Variants in PHACTR1 observed in about 807,000 individuals in gnomAD.
The protein encoded by PHACTR1 is RPEL repeat containing 1.
In PHACTR1, 16 loss-of-function variants were observed where a neutral mutation model predicts 69.2. The observed-to-expected ratio is 0.23, with a 90% CI of 0.16 to 0.35. PHACTR1 has a LOEUF of 0.35. PHACTR1 is among the 10% of genes least tolerant of loss of function. PHACTR1 has a pLI of 1.00. For synonymous variants in PHACTR1, 312 were observed against 284.5 expected, an observed-to-expected ratio of 1.10 and a Z score of -0.97; for missense variants, 510 against 734.7, an observed-to-expected ratio of 0.69 and a Z score of 3.54.
chr6:13,219,395 C>T (rs780684252), intron 8 of PHACTR1, among the ~76,000 whole-genome samples: 2 of 152,078 alleles, frequency 1.3e-5, no homozygotes, highest in South Asian at 2.1e-4. Flanking sequence ...CGGGCAGGGA[C>T]GGGGCACTGA....
intron 4 of PHACTR1, among the ~76,000 whole-genome samples, chr6:12,919,265 C>T (rs1787371108): frequency 6.6e-6 from 1 of 152,164 alleles, no homozygotes; most frequent in Non-Finnish European, 1.5e-5. Flanking sequence ...GCCTCAGCCT[C>T]CCGAGTAGCT....
chr6:12,882,479 A>G (rs1017608154), intron 4 of PHACTR1, among the ~76,000 whole-genome samples: 5 of 152,188 alleles, frequency 3.3e-5, no homozygotes, highest in African/African-American at 1.2e-4. Flanking sequence ...AAAAATACAA[A>G]AAAAAGAAGA....
intron 5 of PHACTR1, among the ~76,000 whole-genome samples, chr6:13,100,383 A>T (rs1367628410): frequency 6.6e-6 from 1 of 152,184 alleles, no homozygotes; most frequent in Admixed American, 6.5e-5. Context: ...GTTAAACTTG[A>T]TAACTTGTCT....
intron 6 of PHACTR1, among the ~76,000 whole-genome samples, chr6:13,164,927 C>A (rs977079585): frequency 6.8e-6 from 1 of 146,254 alleles, no homozygotes; most frequent in Non-Finnish European, 1.5e-5. Flanking sequence ...GTGTGTTAGA[C>A]AAGAAGAGCA....
chr6:12,788,752 C>T (rs546587185), intron 4 of PHACTR1, among the ~76,000 whole-genome samples: 28 of 152,316 alleles, frequency 1.8e-4, no homozygotes, highest in African/African-American at 6.0e-4. Flanking sequence ...AAATCATTGC[C>T]TCTGCCTTCT....
chr6:13,115,953 C>T (rs1817754993), intron 5 of PHACTR1, among the ~76,000 whole-genome samples: 1 of 152,158 alleles, frequency 6.6e-6, no homozygotes, highest in South Asian at 2.1e-4. Flanking sequence ...CTTCAGATGA[C>T]TAGAGAAAGA....
chr6:12,824,332 T>C (rs1036489170), intron 4 of PHACTR1, among the ~76,000 whole-genome samples: 18 of 152,358 alleles, frequency 1.2e-4, no homozygotes, highest in African/African-American at 4.3e-4. Flanking sequence ...ATTATTTCAT[T>C]ATATATTACA....
intron 4 of PHACTR1, among the ~76,000 whole-genome samples, chr6:12,891,714 C>A (rs1784185516): frequency 6.6e-6 from 1 of 152,152 alleles, no homozygotes; most frequent in Non-Finnish European, 1.5e-5. Context: ...AACATGTAAC[C>A]TATCCTTGTT....
At chr6:12,990,903 T>A (rs1796750608) in intron 4 of PHACTR1, among the ~76,000 whole-genome samples, 1 of 152,102 alleles carries the variant, frequency 6.6e-6, no homozygotes, top group Non-Finnish European at 1.5e-5. Context: ...TTAAGCCACA[T>A]CTATCTATAG....
chr6:13,229,507 C>T (rs1584092111), intron 9 of PHACTR1, among the ~76,000 whole-genome samples: 1 of 152,192 alleles, frequency 6.6e-6, no homozygotes, highest in East Asian at 1.9e-4. Flanking sequence ...ACCAGCCCCA[C>T]TTTGTCCGCC....
chr6:13,109,360 C>A (rs543501749), intron 5 of PHACTR1, among the ~76,000 whole-genome samples: 27 of 151,954 alleles, frequency 1.8e-4, no homozygotes, highest in Admixed American at 7.9e-4. Context: ...TTTTGTTTAT[C>A]TGAAAAGTTC....
At chr6:12,769,777 T>C (rs1259825746) in intron 4 of PHACTR1, among the ~76,000 whole-genome samples, 1 of 152,154 alleles carries the variant, frequency 6.6e-6, no homozygotes, top group Non-Finnish European at 1.5e-5. Context: ...AGCTGTGAGA[T>C]CCCTCTGTGA....
chr6:13,236,992 AC>A (rs1399736187), intron 10 of PHACTR1, among the ~76,000 whole-genome samples: 1 of 152,066 alleles, frequency 6.6e-6, no homozygotes, highest in East Asian at 1.9e-4. Flanking sequence ...TTCAGCTTCA[AC>A]CCCCTGTTGT....
intron 10 of PHACTR1, chr6:13,272,196 A>G (rs1337440943): frequency 6.6e-6 from 1 of 152,266 alleles, no homozygotes; most frequent in Non-Finnish European, 1.5e-5. Context: ...CGTGCCATCC[A>G]CTGCCTGTCC....
intron 4 of PHACTR1, among the ~76,000 whole-genome samples, chr6:12,889,986 C>A (rs1159652064): frequency 6.6e-6 from 1 of 152,010 alleles, no homozygotes; most frequent in Admixed American, 6.6e-5. Flanking sequence ...ACACAGGGGT[C>A]CCCAACCCCC....
At chr6:13,252,832 A>G (rs1774669641) in intron 10 of PHACTR1, among the ~76,000 whole-genome samples, 1 of 152,072 alleles carries the variant, frequency 6.6e-6, no homozygotes, top group Non-Finnish European at 1.5e-5. Context: ...CAGGAAAGGT[A>G]GGGAAAATGA....
At chr6:12,779,229 C>G (rs1247277151) in intron 4 of PHACTR1, among the ~76,000 whole-genome samples, 1 of 152,056 alleles carries the variant, frequency 6.6e-6, no homozygotes, top group Non-Finnish European at 1.5e-5. Flanking sequence ...CAGCTACTTG[C>G]AAGGCTGAGG....
chr6:13,091,236 T>A (rs1583315290), intron 5 of PHACTR1, among the ~76,000 whole-genome samples: 1 of 152,106 alleles, frequency 6.6e-6, no homozygotes, highest in South Asian at 2.1e-4. Flanking sequence ...TGACCTCGGG[T>A]GATCCACCCA....
intron 3 of PHACTR1, among the ~76,000 whole-genome samples, chr6:12,748,246 T>A (rs934252457): frequency 6.6e-6 from 1 of 152,112 alleles, no homozygotes; most frequent in African/African-American, 2.4e-5. Context: ...GTAGTTACTA[T>A]GCACGTGTGA....
Sources: allele counts gnomAD v4.1 joint callset (sites outside exome capture counted in the v4.1 genomes callset), GRCh38; gene constraint gnomAD v4.1.1; transcripts MANE v1.5; gene names NCBI Gene and HGNC (gene_info 2026-07-23, HGNC 2026-07-21).